The following SMOC2 variants were observed in gnomAD, a reference collection of about 807,000 sequenced individuals.
SMOC2 encodes the protein SPARC related modular calcium binding 2.
Under a neutral mutation model 61.4 loss-of-function variants are expected in SMOC2, and 39 were observed. That is an observed-to-expected ratio of 0.64 (90% confidence interval 0.49 to 0.83). The LOEUF (loss-of-function observed/expected upper bound fraction) is 0.83, where lower values mean the gene tolerates loss of function less well. Ranked by LOEUF, SMOC2 falls within the 40% of genes least tolerant of loss-of-function variation. SMOC2 has a pLI of 0.00. For missense variants in SMOC2, 556 were observed against 592.9 expected (o/e 0.94, Z 0.65); for synonymous variants, 247 against 239.9 (o/e 1.03, Z -0.27).
At position 168,667,303 on chromosome 6, in the gene SMOC2, C is replaced by G. The variant is rs1326677367; in HGVS notation, c.*865C>G. 1 of 152,188 alleles carries G rather than the reference C, an allele frequency of 6.6e-6. No individual in the cohort carries two copies. The highest frequency in any genetic ancestry group is 6.5e-5 in the Admixed American group (1 of 15,284). The allele number at this position is 152,188 out of a possible 1,614,324, so 9.4% of individuals were successfully genotyped here. On this transcript the variant is annotated 3_prime_UTR_variant, in exon 13 of 13. Transcript: ENST00000356284. Reference sequence around the variant, plus strand: ...TACACGTGGACATTATTCTCCTGATCCTCCTACCTGGTCCACCCCAGGGCT... The same window carrying G: ...TACACGTGGACATTATTCTCCTGATGCTCCTACCTGGTCCACCCCAGGGCT...
chr6:168,514,957 A>G (rs1232784397), intron 2 of SMOC2, among the ~76,000 whole-genome samples: 2 of 152,132 alleles, frequency 1.3e-5, no homozygotes, highest in African/African-American at 4.8e-5. Flanking sequence ...GTGTCTCCCT[A>G]GCATGTGACT....
chr6:168,606,957 C>T (rs569411622), intron 8 of SMOC2, among the ~76,000 whole-genome samples: 7 of 151,960 alleles, frequency 4.6e-5, no homozygotes, highest in Non-Finnish European at 1.0e-4. Context: ...GCTGGGGAGC[C>T]GCCATGCAGC....
At chr6:168,507,512 C>A (rs555134479) in intron 1 of SMOC2, among the ~76,000 whole-genome samples, 164 of 152,336 alleles carry the variant, frequency 1.1e-3, no homozygotes, top group Non-Finnish European at 1.9e-3. Context: ...TTATAAGATC[C>A]AAGCAGCGTC....
At chr6:168,567,257 T>C (rs1272297557) in intron 7 of SMOC2, among the ~76,000 whole-genome samples, 1 of 152,220 alleles carries the variant, frequency 6.6e-6, no homozygotes, top group Non-Finnish European at 1.5e-5. Context: ...GCTCAATAAT[T>C]TTTTTAAATG....
intron 1 of SMOC2, among the ~76,000 whole-genome samples, chr6:168,504,914 T>TGTGG (rs1782826873): frequency 1.3e-5 from 2 of 151,880 alleles, no homozygotes; most frequent in South Asian, 4.1e-4. Context: ...TCTTAAAGAC[T>TGTGG]GGGAGCAAGA....
chr6:168,468,610 C>T (rs548077413), intron 1 of SMOC2, among the ~76,000 whole-genome samples: 80 of 152,386 alleles, frequency 5.2e-4, no homozygotes, highest in African/African-American at 1.9e-3. Context: ...ACTCTGCACA[C>T]AGCAACCTCC....
intron 7 of SMOC2, among the ~76,000 whole-genome samples, chr6:168,582,828 G>T (rs1336472914): frequency 6.6e-6 from 1 of 152,216 alleles, no homozygotes; most frequent in African/African-American, 2.4e-5. Flanking sequence ...CACGCACGGG[G>T]AAGACCCGGG....
chr6:168,559,267 C>T (rs766332744), intron 7 of SMOC2, among the ~76,000 whole-genome samples: 3 of 152,046 alleles, frequency 2.0e-5, no homozygotes, highest in East Asian at 3.9e-4. Context: ...ACCAGCCTGG[C>T]CAACATGGTG....
intron 7 of SMOC2, among the ~76,000 whole-genome samples, chr6:168,550,632 TGGCATCTTC>T (rs538115933): frequency 6.4e-4 from 97 of 152,308 alleles, no homozygotes; most frequent in African/African-American, 2.2e-3. Context: ...CTTAGCTGTG[TGGCATCTTC>T]TTGTTACTTT....
At position 168,600,765 on chromosome 6, in the gene SMOC2, T is replaced by C. The variant is rs547789664; in HGVS notation, c.824+1761T>C. On this transcript the variant is annotated intron_variant, in intron 8 of 12. Coordinates refer to ENST00000356284, the MANE Select transcript of SMOC2 (RefSeq NM_001166412.2). ...TTCACATATGTGTGCCCCAAATTTA[T>C]CGCTTTTAGAAAAAGTGAGGCTGTG... 4.5e-3 allele frequency among the ~76,000 whole-genome samples: 691 copies of C among 152,330 alleles called. 4 individuals are homozygous for C. Among genetic ancestry groups the C allele is most frequent in the African/African-American group, 0.016 (661 of 41,580 alleles).
chr6:168,518,098 G>A (rs1049350663), intron 2 of SMOC2, among the ~76,000 whole-genome samples: 4 of 152,228 alleles, frequency 2.6e-5, no homozygotes, highest in Non-Finnish European at 5.9e-5. Context: ...ACACCTGCCC[G>A]TTCCTCGGAA....
At chr6:168,546,395 T>C (rs1421066247) in intron 5 of SMOC2, among the ~76,000 whole-genome samples, 4 of 152,082 alleles carry the variant, frequency 2.6e-5, no homozygotes, top group African/African-American at 9.7e-5. Context: ...CTGAGCCATT[T>C]AAAACCTCTT....
chr6:168,525,351 G>A (rs62424684), intron 2 of SMOC2, among the ~76,000 whole-genome samples: 2 of 152,140 alleles, frequency 1.3e-5, no homozygotes, highest in East Asian at 3.9e-4. Flanking sequence ...CACTCCCTGG[G>A]CTGGAAGGCT....
intron 2 of SMOC2, among the ~76,000 whole-genome samples, chr6:168,522,695 A>G (rs1400065102): frequency 6.6e-6 from 1 of 152,170 alleles, no homozygotes; most frequent in Non-Finnish European, 1.5e-5. Context: ...TCAGACACAG[A>G]AGTATACCTC....
At chr6:168,609,675 T>C (rs1012406787) in intron 9 of SMOC2, among the ~76,000 whole-genome samples, 2 of 152,192 alleles carry the variant, frequency 1.3e-5, no homozygotes, top group African/African-American at 4.8e-5. Flanking sequence ...TTAAAAGACA[T>C]AATGAGCTTC....
chr6:168,532,702 A>G (rs778843975), intron 4 of SMOC2, among the ~76,000 whole-genome samples: 1 of 152,210 alleles, frequency 6.6e-6, no homozygotes, highest in Non-Finnish European at 1.5e-5. Flanking sequence ...GAATCTTCAT[A>G]TATAGCTTGG....
chr6:168,659,688 GGT>G (rs1787442158), intron 11 of SMOC2, among the ~76,000 whole-genome samples: 1 of 90,560 alleles, frequency 1.1e-5, no homozygotes, highest in Non-Finnish European at 2.3e-5. Context: ...GGAGGTTGTA[GGT>G]AGGGTGAGGG....
intron 4 of SMOC2, among the ~76,000 whole-genome samples, chr6:168,528,267 G>GTTTTTTTTT (rs60113269): frequency 1.5e-5 from 2 of 136,572 alleles, no homozygotes; most frequent in Admixed American, 7.4e-5. Context: ...TCCCATTAGT[G>GTTTTTTTTT]TTTTTTTTTT....
chr6:168,606,496 C>T (rs1444956350), intron 8 of SMOC2, among the ~76,000 whole-genome samples: 2 of 152,130 alleles, frequency 1.3e-5, no homozygotes, highest in African/African-American at 2.4e-5. Context: ...GGATGGGGTC[C>T]TCTCACTGGG....
Sources: gnomAD v4.1 joint callset for allele counts (sites outside exome capture counted in the v4.1 genomes callset) on GRCh38, gnomAD v4.1.1 for gene constraint, MANE v1.5 for transcripts, NCBI Gene and HGNC (gene_info 2026-07-23, HGNC 2026-07-21) for gene names.